MAPK12: variants seen among roughly 807,000 people sequenced by gnomAD.
The protein encoded by MAPK12 is mitogen-activated protein kinase 12.
MAPK12 carries 49 observed loss-of-function variants against 49.1 expected under a neutral mutation model. That is an observed-to-expected ratio of 1.00 (90% CI 0.79 to 1.27). MAPK12 has a LOEUF of 1.27. MAPK12 is among the 50% of genes most tolerant of loss of function. The pLI is 0.00. For synonymous variants in MAPK12, 251 were observed against 209.7 expected, an observed-to-expected ratio of 1.20 and a Z score of -1.70; for missense variants, 554 against 502.4, an observed-to-expected ratio of 1.10 and a Z score of -0.98.
chr22:50,255,731 G>T, intron 8 of MAPK12, 37 bp from the exon 9 acceptor site: 1 of 1,608,836 alleles, frequency 6.2e-7, no homozygotes, highest in Non-Finnish European at 8.5e-7. Context: ...GGGGGCCAGA[G>T]ATCAGGGCCC....
chr22:50,253,501 G>GGGGGGGGGTGT, intron 11 of MAPK12, 21 bp from the exon 12 acceptor site: 1 of 354,170 alleles, frequency 2.8e-6, no homozygotes, highest in Admixed American at 4.2e-5. Flanking sequence ...TGGGGGGGCG[G>GGGGGGGGGTGT]GCACAACAGA....
chr22:50,253,301 T>G lies in MAPK12; in HGVS notation c.*100A>C. The G allele has an allele frequency of 1.2e-6, 1 of 868,286 alleles. No homozygotes were observed. The highest frequency in any genetic ancestry group is 1.9e-6 in the Non-Finnish European group (1 of 524,496). The allele number at this position is 868,286 out of a possible 1,614,324, so 53.8% of individuals were successfully genotyped here. On this transcript the variant is annotated 3_prime_UTR_variant, in exon 12 of 12. Coordinates refer to ENST00000215659, the MANE Select transcript of MAPK12 (RefSeq NM_002969.6). ...CGGGCGTCTGCTCTGATGGATGCCT[T>G]GGGATGCAAGCCCCAGCCAAGGTCA...
rs1466740030 is a variant in MAPK12, at chr22:50,252,918, G to A, written c.*483C>T. The A allele has an allele frequency of 1.8e-5, 4 of 227,358 alleles. No individual in the cohort carries two copies. The highest frequency in any genetic ancestry group is 7.0e-5 in the African/African-American group (3 of 43,068). 14.1% of individuals were successfully genotyped at this position (227,358 alleles called of 1,614,324 possible). On this transcript the variant is annotated 3_prime_UTR_variant, in exon 12 of 12. Coordinates refer to ENST00000215659, the MANE Select transcript of MAPK12 (RefSeq NM_002969.6). The stretch of plus-strand genomic sequence containing the variant: ...AGCCAGAACAGGGAGCTACAAAAGG[G>A]TCTATTTCCTTCCAGCCACGCGGGC...
intron 2 of MAPK12, among the ~76,000 whole-genome samples, chr22:50,259,659 G>A (rs977935935): frequency 8.5e-5 from 13 of 152,126 alleles, no homozygotes; most frequent in African/African-American, 3.1e-4. Context: ...GAGGCGAGCA[G>A]ATCACTTGAG....
At chr22:50,256,859 C>A (rs766774355) in intron 5 of MAPK12, 76 bp downstream of exon 5, 27 of 1,568,092 alleles carry the variant, frequency 1.7e-5, no homozygotes, top group Non-Finnish European at 2.2e-5. Context: ...CCCATCACAT[C>A]CTCACAGGTG....
chr22:50,257,144 G>A lies in MAPK12; in HGVS notation c.364C>T (p.His122Tyr), dbSNP rs1224429260. 6.2e-7 allele frequency: 1 copy of A among 1,612,768 alleles called. No individual in the cohort carries two copies. ...ATCCGGTCCTCGCCTAGCTTCTCATGTTTCATGAGCTTGCCCAGGTCGGTG... is the reference window on the plus strand; with the variant it reads ...ATCCGGTCCTCGCCTAGCTTCTCATATTTCATGAGCTTGCCCAGGTCGGTG... ...MGTDLGKLMK[H>Y]EKLGEDRIQF... The change falls in exon 4 of 12, where the codon CAT becomes TAT. Residue 122 changes from histidine to tyrosine, a missense_variant. By Grantham distance (83) the His-to-Tyr change is moderately conservative. Coordinates refer to ENST00000215659, the MANE Select transcript of MAPK12 (RefSeq NM_002969.6).
At position 50,255,632 on chromosome 22, in the gene MAPK12, G is replaced by A. The variant is rs368431064; in HGVS notation, c.754C>T (p.Arg252Trp). Residue 252 changes from arginine to tryptophan, a missense_variant, in exon 9 of 12, where the codon CGG (arginine) becomes TGG (tryptophan). Arg to Trp is a moderately radical substitution (Grantham distance 101). Transcript: ENST00000215659. ...CCCCTTACCTCATCGCTCTGCAGCC[G>A]CTGCACAAACTCAGCCGGAGGCGTC... ...TGTPPAEFVQ[R>W]LQSDEAKNYM... The A allele has an allele frequency of 1.7e-5, 22 of 1,318,140 alleles. No individual in the cohort carries two copies. Among genetic ancestry groups the A allele is most frequent in the East Asian group, 1.4e-4 (3 of 20,736 alleles). The allele number at this position is 1,318,140 out of a possible 1,614,324, so 81.7% of individuals were successfully genotyped here.
chr22:50,261,559 A>ACGACCGGGGACGGGGCTCCCT lies in MAPK12; in HGVS notation c.-71_-51dup. The ACGACCGGGGACGGGGCTCCCT allele has an allele frequency of 9.7e-7, 1 of 1,028,338 alleles. No individual in the cohort carries two copies. Among genetic ancestry groups the ACGACCGGGGACGGGGCTCCCT allele is most frequent in the Non-Finnish European group, 1.2e-6 (1 of 859,738 alleles). The allele number at this position is 1,028,338 out of a possible 1,614,324, so 63.7% of individuals were successfully genotyped here. A position where few individuals can be genotyped will look rare whatever the true frequency, so the allele number is the denominator to read the frequency against. ...CGCAGAGCCTGCGGGCGGTGCCCCC[A>ACGACCGGGGACGGGGCTCCCT]CGACCGGGGACGGGGCTCCCTCGGC... On this transcript the variant is annotated 5_prime_UTR_variant, in exon 1 of 12. Coordinates refer to ENST00000215659, the MANE Select transcript of MAPK12 (RefSeq NM_002969.6).
At chr22:50,258,361 A>G (rs1271436365) in intron 2 of MAPK12, 60 bp from the exon 3 acceptor site, 1 of 1,407,464 alleles carries the variant, frequency 7.1e-7, no homozygotes, top group Non-Finnish European at 1.0e-6. Context: ...GCACCCCCCA[A>G]GAGTGGCACA....
At chr22:50,258,670 A>T (rs1007453059) in intron 2 of MAPK12, among the ~76,000 whole-genome samples, 3 of 152,224 alleles carry the variant, frequency 2.0e-5, no homozygotes, top group African/African-American at 7.2e-5. Flanking sequence ...CAGGGTGGGG[A>T]CAGCGCTATG....
chr22:50,257,498 C>T (rs555058820), intron 3 of MAPK12: 16 of 522,900 alleles, frequency 3.1e-5, no homozygotes, highest in African/African-American at 5.7e-5. Context: ...CCCTGCGTGC[C>T]AGGCTAGGGG....
rs2065215446 is a variant in MAPK12, at chr22:50,261,616, C to CCGCT, written c.-111_-108dup. 4 of 989,758 alleles carry CCGCT rather than the reference C, an allele frequency of 4.0e-6. No individual in the cohort carries two copies. The highest frequency in any genetic ancestry group is 4.8e-6 in the Non-Finnish European group (4 of 836,488). 61.3% of individuals were successfully genotyped at this position (989,758 alleles called of 1,614,324 possible). A position where few individuals can be genotyped will look rare whatever the true frequency, so the allele number is the denominator to read the frequency against. On this transcript the variant is annotated 5_prime_UTR_variant, in exon 1 of 12. Transcript: ENST00000215659. Reference sequence around the variant, plus strand: ...CTCGGGCCGGCTCCGCGCCGCTCGTCCGCTCGCCCGCCCGCCCGCCGGCCG... The same window carrying CCGCT: ...CTCGGGCCGGCTCCGCGCCGCTCGTCCGCTCGCTCGCCCGCCCGCCCGCCGGCCG...
intron 11 of MAPK12, 95 bp from the exon 12 acceptor site, chr22:50,253,575 G>A (rs2065120546): frequency 1.3e-5 from 9 of 704,862 alleles, no homozygotes; most frequent in South Asian, 9.3e-5. Context: ...GCGGTGCCTC[G>A]TGGGGCCCTT....
At chr22:50,258,859 G>T (rs544803824) in intron 2 of MAPK12, among the ~76,000 whole-genome samples, 1 of 152,266 alleles carries the variant, frequency 6.6e-6, no homozygotes, top group Non-Finnish European at 1.5e-5. Flanking sequence ...ACAGCCAAGG[G>T]TGGAGGGGCA....
intron 3 of MAPK12, 110 bp from the exon 4 acceptor site, chr22:50,257,303 A>G: frequency 2.6e-6 from 2 of 782,696 alleles, no homozygotes; most frequent in Non-Finnish European, 4.3e-6. Flanking sequence ...AGGCACCCCC[A>G]GGAAGGTCAC....
In MAPK12 at chr22:50,255,367, A is replaced by G; in HGVS notation, c.854T>C (p.Val285Ala). The stretch of plus-strand genomic sequence containing the variant: ...CACCAGCATCTTCTCCAGGAGGTTC[A>G]CAGCTGCGGGGGAAGGTGCATCAGG... ...SILTNASPLA[V>A]NLLEKMLVLD... Residue 285 changes from valine to alanine, a missense_variant, in exon 11 of 12, where the codon GTG (valine) becomes GCG (alanine). Transcript: ENST00000215659. The G allele has an allele frequency of 6.2e-7, 1 of 1,613,034 alleles. No individual in the cohort carries two copies. The highest frequency in any genetic ancestry group is 8.5e-7 in the Non-Finnish European group (1 of 1,179,816).
At chr22:50,260,328 CT>C (rs1569144231) in intron 2 of MAPK12, among the ~76,000 whole-genome samples, 1 of 151,994 alleles carries the variant, frequency 6.6e-6, no homozygotes, top group Non-Finnish European at 1.5e-5. Flanking sequence ...TCCAGAGCAT[CT>C]CACCCTGTAG....
intron 11 of MAPK12, chr22:50,254,915 C>T: frequency 7.6e-7 from 1 of 1,321,596 alleles, no homozygotes; most frequent in African/African-American, 1.5e-5. Context: ...CCTTCAACTT[C>T]CAGCTCCAGC....
chr22:50,257,335 T>C, intron 3 of MAPK12, 142 bp from the exon 4 acceptor site: 2 of 645,082 alleles, frequency 3.1e-6, no homozygotes, highest in South Asian at 1.7e-5. Context: ...ACATCCACAC[T>C]GGCCTCGGTG....
Sources: gnomAD v4.1 joint callset for allele counts (sites outside exome capture counted in the v4.1 genomes callset) on GRCh38, gnomAD v4.1.1 for gene constraint, MANE v1.5 for transcripts, NCBI Gene and HGNC (gene_info 2026-07-23, HGNC 2026-07-21) for gene names.